The following GSE1 variants were observed in gnomAD, a reference collection of about 807,000 sequenced individuals.
The protein encoded by GSE1 is Gse1 coiled-coil protein.
A neutral mutation model predicts 112.6 loss-of-function variants in GSE1; 32 were observed. The ratio of observed to expected loss-of-function variants is 0.28; its 90% CI spans 0.21 to 0.38. The LOEUF (loss-of-function observed/expected upper bound fraction) is 0.38, where lower values mean the gene tolerates loss of function less well. Ranked by LOEUF, GSE1 falls within the 10% of genes least tolerant of loss-of-function variation. The pLI, the probability that GSE1 is intolerant of heterozygous loss-of-function variation, is 1.00. For missense variants in GSE1, 2,348 were observed against 1,699.2 expected, an observed-to-expected ratio of 1.38 and a Z score of -6.71; for synonymous variants, 1,115 against 735.6, an observed-to-expected ratio of 1.52 and a Z score of -8.35.
At chr16:85,446,011 G>A (rs944277910) in intron 2 of GSE1, among the ~76,000 whole-genome samples, 1 of 152,236 alleles carries the variant, frequency 6.6e-6, no homozygotes, top group Admixed American at 6.5e-5. Context: ...GGCTGTGCGT[G>A]TAGCATTTGG....
rs1270480899 is a variant in GSE1, at chr16:85,666,183, T to G, written c.2966T>G (p.Leu989Arg). The G allele has an allele frequency of 6.2e-7, 1 of 1,613,530 alleles. No individual in the cohort carries two copies. The highest frequency in any genetic ancestry group is 1.7e-5 in the Admixed American group (1 of 60,026). Reference protein sequence around the residue: ...APGGKKSLSMLHYIRGAAPKD... With the variant: ...APGGKKSLSMRHYIRGAAPKD... ...GGAGGCAAAAAGAGTCTGAGCATGC[T>G]TCACTATATCCGGGGCGCTGCACCC... The change falls in exon 13 of 16, where the codon CTT becomes CGT. Residue 989 changes from leucine to arginine, a missense_variant. Leu to Arg is a moderately radical substitution (Grantham distance 102). Coordinates refer to ENST00000253458, the MANE Select transcript of GSE1 (RefSeq NM_014615.5).
At chr16:85,206,453 G>A (rs2075117938) in intron 1 of GSE1, among the ~76,000 whole-genome samples, 1 of 152,180 alleles carries the variant, frequency 6.6e-6, no homozygotes, top group Non-Finnish European at 1.5e-5. Context: ...GGAGCAGAGT[G>A]AGAGTTGGTG....
intron 1 of GSE1, among the ~76,000 whole-genome samples, chr16:85,602,836 C>T (rs1200550417): frequency 2.0e-5 from 3 of 152,232 alleles, no homozygotes; most frequent in Admixed American, 6.5e-5. Context: ...GCGATGTACC[C>T]GGTTACAGGG....
At chr16:85,601,701 A>G (rs370962683) in intron 1 of GSE1, among the ~76,000 whole-genome samples, 1 of 152,204 alleles carries the variant, frequency 6.6e-6, no homozygotes, top group Non-Finnish European at 1.5e-5. Flanking sequence ...TGTGAGACCA[A>G]ATTTTAAGGA....
chr16:85,506,799 G>A (rs1254560225), intron 2 of GSE1, among the ~76,000 whole-genome samples: 1 of 152,098 alleles, frequency 6.6e-6, no homozygotes, highest in Non-Finnish European at 1.5e-5. Flanking sequence ...TACTTGCTGG[G>A]GGAAGTGATC....
At chr16:85,644,266 G>A (rs1038133900) in intron 2 of GSE1, among the ~76,000 whole-genome samples, 1 of 151,692 alleles carries the variant, frequency 6.6e-6, no homozygotes, top group South Asian at 2.1e-4. Context: ...TTGAACCCAG[G>A]AGGTTGAGGC....
At chr16:85,238,333 A>G (rs1386361845) in intron 1 of GSE1, among the ~76,000 whole-genome samples, 1 of 152,152 alleles carries the variant, frequency 6.6e-6, no homozygotes, top group African/African-American at 2.4e-5. Context: ...TTCCAGAACC[A>G]TCGCCTCTCA....
At chr16:85,292,101 T>C (rs1446501117) in intron 1 of GSE1, among the ~76,000 whole-genome samples, 1 of 152,080 alleles carries the variant, frequency 6.6e-6, no homozygotes, top group East Asian at 1.9e-4. Flanking sequence ...CTTTGGTTAA[T>C]TTGTTGTAAC....
chr16:85,666,428 C>G, intron 13 of GSE1, 81 bp downstream of exon 13: 6 of 1,384,216 alleles, frequency 4.3e-6, no homozygotes, highest in Non-Finnish European at 6.1e-6. Flanking sequence ...AGCTGCTCAG[C>G]CGTTCAGCCG....
At chr16:85,518,815 A>C (rs1189655289) in intron 2 of GSE1, among the ~76,000 whole-genome samples, 2 of 152,116 alleles carry the variant, frequency 1.3e-5, no homozygotes, top group Non-Finnish European at 2.9e-5. Context: ...CAAGACTGAC[A>C]CCTGGCACTG....
At chr16:85,296,004 T>A (rs1038951109) in intron 1 of GSE1, among the ~76,000 whole-genome samples, 2 of 152,118 alleles carry the variant, frequency 1.3e-5, no homozygotes, top group African/African-American at 4.8e-5. Flanking sequence ...GGAGCACCCA[T>A]CCAGGAAGCC....
Position 85,651,866 on chromosome 16 carries a change from T to C in GSE1, c.427-2412T>C, listed in dbSNP as rs370842646. On this transcript the variant is annotated intron_variant, in intron 3 of 15. Coordinates refer to ENST00000253458, the MANE Select transcript of GSE1 (RefSeq NM_014615.5). ...CCACTAGCTTTAGGCCTGGTGTTCATTGGGGTGCTACTTGGATGCTGGGGG... is the reference window on the plus strand; with the variant it reads ...CCACTAGCTTTAGGCCTGGTGTTCACTGGGGTGCTACTTGGATGCTGGGGG... Among the ~76,000 whole-genome samples, 15 of 152,308 alleles carry C rather than the reference T, an allele frequency of 9.8e-5. No homozygotes were observed. The East Asian group carries it at 1.4e-3, about 14-fold the overall frequency.
chr16:85,647,377 T>C (rs1265009439), intron 2 of GSE1, among the ~76,000 whole-genome samples: 2 of 152,180 alleles, frequency 1.3e-5, no homozygotes, highest in Admixed American at 1.3e-4. Flanking sequence ...GTGGTGGTGG[T>C]TGTAAACAGC....
At chr16:85,456,567 T>A (rs2049830243) in intron 2 of GSE1, among the ~76,000 whole-genome samples, 1 of 131,212 alleles carries the variant, frequency 7.6e-6, no homozygotes, top group South Asian at 2.5e-4. Flanking sequence ...GAGGGGAGGG[T>A]CATTTTCCTG....
At chr16:85,215,451 A>C (rs969095184) in intron 1 of GSE1, among the ~76,000 whole-genome samples, 4 of 152,222 alleles carry the variant, frequency 2.6e-5, no homozygotes, top group African/African-American at 9.7e-5. Context: ...CCTTAGATAC[A>C]GTGTACGCTA....
chr16:85,381,275 C>T (rs760341759), intron 2 of GSE1, among the ~76,000 whole-genome samples: 2 of 152,232 alleles, frequency 1.3e-5, no homozygotes, highest in Non-Finnish European at 1.5e-5. Context: ...CGTTGCGGCC[C>T]GAATCCGAAC....
At chr16:85,639,269 G>A (rs575674225) in intron 2 of GSE1, among the ~76,000 whole-genome samples, 37 of 152,320 alleles carry the variant, frequency 2.4e-4, no homozygotes, top group African/African-American at 6.7e-4. Flanking sequence ...GGGTGGCACC[G>A]GGTCCTTGGG....
rs1270526520 is a variant in GSE1, at chr16:85,331,631, GTA to G, written c.2284-25826_2284-25825del. Among the ~76,000 whole-genome samples the G allele has an allele frequency of 3.2e-5, 4 of 126,696 alleles. 1 individual carries two copies. The highest frequency in any genetic ancestry group is 1.1e-4 in the African/African-American group (4 of 34,964). The allele number at this position is 126,696 out of a possible 152,430, so 83.1% of individuals were successfully genotyped here. A position where few individuals can be genotyped will look rare whatever the true frequency, so the allele number is the denominator to read the frequency against. On this transcript the variant is annotated intron_variant, in intron 1 of 2. Coordinates refer to the GSE1 transcript ENST00000637419. The stretch of plus-strand genomic sequence containing the variant: ...TGTGTATATATGTGTGTATATATGT[GTA>G]TATATGTGTGTATATATATATGTGT...
chr16:85,204,570 T>C (rs1476084222), intron 1 of GSE1, among the ~76,000 whole-genome samples: 1 of 152,236 alleles, frequency 6.6e-6, no homozygotes, highest in Non-Finnish European at 1.5e-5. Context: ...CTCCACCACC[T>C]CACCAGCACT....
Sources: allele counts gnomAD v4.1 joint callset (sites outside exome capture counted in the v4.1 genomes callset), GRCh38; gene constraint gnomAD v4.1.1; transcripts MANE v1.5; gene names NCBI Gene and HGNC (gene_info 2026-07-23, HGNC 2026-07-21).